The following PRR5L variants were observed in gnomAD, a reference collection of about 807,000 sequenced individuals.
PRR5L encodes the protein proline-rich protein 5-like.
PRR5L carries 21 observed loss-of-function variants against 36.4 expected under a neutral mutation model. The ratio of observed to expected loss-of-function variants is 0.58; its 90% CI spans 0.41 to 0.83. PRR5L has a LOEUF of 0.83. Among genes scored for constraint, PRR5L ranks in the 40% least tolerant of loss-of-function variants. The probability of loss-of-function intolerance (pLI) is 0.00; values close to 1 mark genes in which losing one functional copy is unlikely to be tolerated. For missense variants in PRR5L, 381 were observed against 473.3 expected, an observed-to-expected ratio of 0.80 and a Z score of 1.81; for synonymous variants, 188 against 197.0, an observed-to-expected ratio of 0.95 and a Z score of 0.38.
chr11:36,324,044 T>A (rs1284847302), intron 1 of PRR5L, among the ~76,000 whole-genome samples: 1 of 152,204 alleles, frequency 6.6e-6, no homozygotes, highest in East Asian at 1.9e-4. Flanking sequence ...ATTTCACTCC[T>A]AGGTATATAC....
At chr11:36,394,947 G>C (rs1199244602) in intron 1 of PRR5L, among the ~76,000 whole-genome samples, 1 of 152,152 alleles carries the variant, frequency 6.6e-6, no homozygotes, top group East Asian at 1.9e-4. Flanking sequence ...AGAGCTCTGA[G>C]TGATACACAT....
intron 1 of PRR5L, among the ~76,000 whole-genome samples, chr11:36,379,860 A>T (rs529340572): frequency 2.7e-4 from 41 of 152,332 alleles, no homozygotes; most frequent in Admixed American, 5.2e-4. Flanking sequence ...AACTTCTGTG[A>T]GTCAGGTATA....
intron 1 of PRR5L, among the ~76,000 whole-genome samples, chr11:36,321,758 T>C (rs574372500): frequency 6.6e-6 from 1 of 152,318 alleles, no homozygotes; most frequent in Admixed American, 6.5e-5. Context: ...CAGACATTTA[T>C]TTTCTCACAC....
At chr11:36,307,500 C>A (rs991338662) in intron 1 of PRR5L, among the ~76,000 whole-genome samples, 3 of 152,170 alleles carry the variant, frequency 2.0e-5, no homozygotes, top group African/African-American at 7.2e-5. Flanking sequence ...TTCTTTCCAC[C>A]TCTCTGCTCT....
At chr11:36,456,893 C>G in intron 8 of PRR5L, among the ~76,000 whole-genome samples, 1 of 152,230 alleles carries the variant, frequency 6.6e-6, no homozygotes, top group East Asian at 1.9e-4. Flanking sequence ...TTCTCTGCAG[C>G]TAGTGCAGCA....
chr11:36,449,416 T>C (rs1858899059), intron 7 of PRR5L, among the ~76,000 whole-genome samples: 1 of 152,244 alleles, frequency 6.6e-6, no homozygotes, highest in South Asian at 2.1e-4. Flanking sequence ...TCTGTCGCTC[T>C]TCCACAATGT....
chr11:36,430,033 C>CT lies in PRR5L; in HGVS notation c.295-1810dup, dbSNP rs139576229. 2.1e-4 allele frequency among the ~76,000 whole-genome samples: 31 copies of CT among 149,612 alleles called. 1 individual carries two copies. In the East Asian group the frequency reaches 2.5e-3, roughly 12 times the overall value. On this transcript the variant is annotated intron_variant, in intron 4 of 8. Coordinates refer to ENST00000530639, the MANE Select transcript of PRR5L (RefSeq NM_001160167.2). Reference sequence around the variant, plus strand: ...TTCACAATTCTTTGTGAAGGAATTGCTTTTTTTTTTCCTTTAACAAAGTTG... The same window carrying CT: ...TTCACAATTCTTTGTGAAGGAATTGCTTTTTTTTTTTCCTTTAACAAAGTTG...
intron 1 of PRR5L, among the ~76,000 whole-genome samples, chr11:36,378,302 G>A (rs1857312630): frequency 6.6e-6 from 1 of 152,218 alleles, no homozygotes; most frequent in Admixed American, 6.5e-5. Context: ...CCTGTCTGTG[G>A]AACCTGGCTG....
intron 1 of PRR5L, among the ~76,000 whole-genome samples, chr11:36,362,641 C>T (rs922249329): frequency 3.9e-5 from 6 of 152,154 alleles, no homozygotes; most frequent in Admixed American, 6.5e-5. Context: ...TATGTCTGTC[C>T]TCCCTTCTTC....
chr11:36,313,367 C>T (rs1441203348), intron 1 of PRR5L, among the ~76,000 whole-genome samples: 1 of 152,148 alleles, frequency 6.6e-6, no homozygotes, highest in African/African-American at 2.4e-5. Context: ...TTCATCCTGC[C>T]TTGAGGAAGA....
In PRR5L at chr11:36,429,587, A is replaced by G. The variant is rs74944059; in HGVS notation, c.295-2266A>G. ...CACAGAGGCGATCTCTATTACCTCT[A>G]TAGGTGCATCTCAGAAATGTGAAAT... On this transcript the variant is annotated intron_variant, in intron 4 of 8. Coordinates refer to ENST00000530639, the MANE Select transcript of PRR5L (RefSeq NM_001160167.2). 2.1e-4 allele frequency among the ~76,000 whole-genome samples: 32 copies of G among 152,294 alleles called. No homozygotes were observed. The East Asian group carries it at 5.8e-3, about 28-fold the overall frequency.
At chr11:36,458,522 A>G (rs1859112460) in intron 8 of PRR5L, among the ~76,000 whole-genome samples, 1 of 152,284 alleles carries the variant, frequency 6.6e-6, no homozygotes, top group African/African-American at 2.4e-5. Context: ...CTGAGCCAGT[A>G]GACTCAAGAT....
intron 4 of PRR5L, among the ~76,000 whole-genome samples, chr11:36,424,525 A>G (rs1858338799): frequency 6.6e-6 from 1 of 152,252 alleles, no homozygotes; most frequent in East Asian, 1.9e-4. Flanking sequence ...GGAAACACTC[A>G]GTGATTCAGT....
intron 8 of PRR5L, among the ~76,000 whole-genome samples, chr11:36,458,583 C>A (rs1303650640): frequency 6.6e-6 from 1 of 152,244 alleles, no homozygotes. Flanking sequence ...TACACACACA[C>A]AACAGTCCGA....
intron 2 of PRR5L, among the ~76,000 whole-genome samples, chr11:36,402,431 C>T (rs6484843): frequency 0.18 from 27,115 of 151,834 alleles, 3,607 homozygotes; most frequent in African/African-American, 0.38. Flanking sequence ...TTAGTAGAGA[C>T]GGGATTTCAC....
chr11:36,401,549 C>T (rs532638992), intron 2 of PRR5L, among the ~76,000 whole-genome samples: 5 of 152,076 alleles, frequency 3.3e-5, no homozygotes, highest in African/African-American at 4.8e-5. Flanking sequence ...CCCAGCCTCC[C>T]GAGTAGCTGG....
intron 1 of PRR5L, among the ~76,000 whole-genome samples, chr11:36,341,740 C>T (rs572295858): frequency 6.6e-6 from 1 of 152,262 alleles, no homozygotes; most frequent in Admixed American, 6.5e-5. Context: ...TGCTAAGAAC[C>T]CCCTCCTCAC....
At chr11:36,342,824 T>C (rs113104864) in intron 1 of PRR5L, among the ~76,000 whole-genome samples, 2 of 152,068 alleles carry the variant, frequency 1.3e-5, no homozygotes, top group Non-Finnish European at 2.9e-5. Flanking sequence ...TGGGAAAAAA[T>C]TAATTCATGT....
chr11:36,388,950 C>T (rs796526493), intron 1 of PRR5L, among the ~76,000 whole-genome samples: 6 of 151,988 alleles, frequency 3.9e-5, no homozygotes, highest in Admixed American at 2.0e-4. Context: ...CTGCCTGCCT[C>T]GGCCTCCCAA....
Sources: allele counts gnomAD v4.1 joint callset (sites outside exome capture counted in the v4.1 genomes callset), GRCh38; gene constraint gnomAD v4.1.1; transcripts MANE v1.5; gene names NCBI Gene and HGNC (gene_info 2026-07-23, HGNC 2026-07-21).